Variants in OLFM3 observed in about 807,000 individuals in gnomAD.
The protein encoded by OLFM3 is olfactomedin 3.
In OLFM3, 20 loss-of-function variants were observed where a neutral mutation model predicts 48.6. The ratio of observed to expected loss-of-function variants is 0.41; its 90% CI spans 0.29 to 0.60. The LOEUF is 0.60. Among genes scored for constraint, OLFM3 ranks in the 20% least tolerant of loss-of-function variants. The pLI, the probability that OLFM3 is intolerant of heterozygous loss-of-function variation, is 0.28. For missense variants in OLFM3, 437 were observed against 544.3 expected, an observed-to-expected ratio of 0.80 and a Z score of 1.96; for synonymous variants, 222 against 198.1, an observed-to-expected ratio of 1.12 and a Z score of -1.01.
At chr1:101,810,390 T>G (rs1653991823) in intron 4 of OLFM3, among the ~76,000 whole-genome samples, 2 of 151,970 alleles carry the variant, frequency 1.3e-5, no homozygotes, top group African/African-American at 4.8e-5. Context: ...GCCCTAAAAT[T>G]AAACTGTTAA....
intron 1 of OLFM3, among the ~76,000 whole-genome samples, chr1:101,970,691 A>T (rs1660757811): frequency 6.6e-6 from 1 of 152,168 alleles, no homozygotes; most frequent in Non-Finnish European, 1.5e-5. Flanking sequence ...GAAAATCATA[A>T]TATAATTAGC....
intron 1 of OLFM3, among the ~76,000 whole-genome samples, chr1:101,909,262 A>G (rs1658664809): frequency 1.3e-5 from 2 of 148,528 alleles, no homozygotes; most frequent in Admixed American, 1.3e-4. Flanking sequence ...CCTCAGATAG[A>G]AAAAACAAAA....
chr1:101,864,825 T>C (rs1656795607), intron 1 of OLFM3, among the ~76,000 whole-genome samples: 2 of 152,152 alleles, frequency 1.3e-5, no homozygotes, highest in East Asian at 1.9e-4. Flanking sequence ...AGTGCCAATA[T>C]GTCTCACTGA....
chr1:101,937,413 C>T (rs983105795), intron 1 of OLFM3, among the ~76,000 whole-genome samples: 1 of 152,166 alleles, frequency 6.6e-6, no homozygotes, highest in Non-Finnish European at 1.5e-5. Context: ...GTGTCCCAAC[C>T]TAAATCTCGT....
At chr1:101,841,267 C>A (rs181338755) in intron 1 of OLFM3, among the ~76,000 whole-genome samples, 2 of 152,088 alleles carry the variant, frequency 1.3e-5, no homozygotes, top group African/African-American at 2.4e-5. Flanking sequence ...TTTTCTTGAA[C>A]GAACTATCCT....
chr1:101,863,197 G>A (rs1308208472), intron 1 of OLFM3, among the ~76,000 whole-genome samples: 2 of 152,096 alleles, frequency 1.3e-5, no homozygotes, highest in Non-Finnish European at 2.9e-5. Context: ...GGACTCAAGC[G>A]ATCCACCTGC....
At chr1:101,870,960 A>G (rs938366481) in intron 1 of OLFM3, among the ~76,000 whole-genome samples, 1 of 152,070 alleles carries the variant, frequency 6.6e-6, no homozygotes, top group South Asian at 2.1e-4. Flanking sequence ...AAAAGAAAAA[A>G]AAAGAAAAAA....
At position 101,806,193 on chromosome 1, in the gene OLFM3, A is replaced by G; in HGVS notation, c.593-11T>C. ...TCAGTTTGCCACATGCTGAAATTAG[A>G]GAAACACAAACGTGTTAGGTGAACG... On this transcript the variant is annotated splice_polypyrimidine_tract_variant and intron_variant, in intron 4 of 5. Coordinates refer to ENST00000370103, the MANE Select transcript of OLFM3 (RefSeq NM_058170.4). 5 of 1,605,290 alleles carry G rather than the reference A, an allele frequency of 3.1e-6. No individual in the cohort carries two copies. Among genetic ancestry groups the G allele is most frequent in the South Asian group, 2.2e-5 (2 of 90,882 alleles).
intron 1 of OLFM3, among the ~76,000 whole-genome samples, chr1:101,879,439 T>C (rs1283571926): frequency 6.6e-6 from 1 of 151,880 alleles, no homozygotes; most frequent in African/African-American, 2.4e-5. Flanking sequence ...AATTATTTGA[T>C]GCTGGGCTCT....
chr1:101,941,484 TCATGAATGTGACCTCATTCATGTC>T (rs1156882906), intron 1 of OLFM3, among the ~76,000 whole-genome samples: 2 of 152,046 alleles, frequency 1.3e-5, no homozygotes, highest in Non-Finnish European at 2.9e-5. Flanking sequence ...GAAAATAAGT[TCATGAATGTGACCTCATTCATGTC>T]CATGAATGAA....
At chr1:101,880,651 T>C (rs144929857) in intron 1 of OLFM3, among the ~76,000 whole-genome samples, 5,258 of 151,870 alleles carry the variant, frequency 0.035, 222 homozygotes, top group East Asian at 0.21. Context: ...AGGTAGTTGT[T>C]AATAATTTTG....
chr1:101,862,849 A>G (rs1040805605), intron 1 of OLFM3, among the ~76,000 whole-genome samples: 1 of 152,250 alleles, frequency 6.6e-6, no homozygotes, highest in African/African-American at 2.4e-5. Flanking sequence ...ATCAGAAGTA[A>G]AAGTTTAGAA....
At chr1:101,949,148 C>T (rs189501022) in intron 1 of OLFM3, among the ~76,000 whole-genome samples, 2 of 151,982 alleles carry the variant, frequency 1.3e-5, no homozygotes, top group African/African-American at 4.8e-5. Flanking sequence ...CAATAAATAT[C>T]CAGAACTTAT....
In OLFM3 at chr1:101,808,259, AG is replaced by A. The variant is rs143967580; in HGVS notation, c.593-2078del. On this transcript the variant is annotated intron_variant, in intron 4 of 5. Transcript: ENST00000370103. ...AATAATAGTAAAGGAGTAAAACATGAGGGGAAAAAAACAAAAGAAAAAAAGC... is the reference window on the plus strand; with the variant it reads ...AATAATAGTAAAGGAGTAAAACATGAGGGAAAAAAACAAAAGAAAAAAAGC... 8.6e-3 allele frequency among the ~76,000 whole-genome samples: 1,309 copies of A among 151,854 alleles called. 9 individuals are homozygous for A. The highest frequency in any genetic ancestry group is 0.017 in the Middle Eastern group (5 of 294).
intron 1 of OLFM3, among the ~76,000 whole-genome samples, chr1:101,891,031 C>T (rs1429774408): frequency 6.6e-6 from 1 of 151,924 alleles, no homozygotes; most frequent in African/African-American, 2.4e-5. Context: ...TTTAATGAAA[C>T]AGCCTCTTTT....
At chr1:101,941,139 T>C (rs577816404) in intron 1 of OLFM3, among the ~76,000 whole-genome samples, 106 of 152,104 alleles carry the variant, frequency 7.0e-4, no homozygotes, top group Non-Finnish European at 6.9e-4. Flanking sequence ...CACCAGCAGA[T>C]TGGAAGCACA....
intron 1 of OLFM3, among the ~76,000 whole-genome samples, chr1:101,907,244 C>T (rs1351593734): frequency 6.6e-6 from 1 of 152,172 alleles, no homozygotes. Context: ...GTTTTCATCT[C>T]TGTAGAGAAT....
intron 1 of OLFM3, among the ~76,000 whole-genome samples, chr1:101,975,371 G>A (rs751022647): frequency 1.1e-4 from 17 of 152,278 alleles, no homozygotes; most frequent in African/African-American, 2.9e-4. Context: ...CTATGGAAAC[G>A]TAACAACATC....
intron 1 of OLFM3, among the ~76,000 whole-genome samples, chr1:101,940,739 T>C (rs1182976945): frequency 6.6e-6 from 1 of 150,426 alleles, no homozygotes; most frequent in East Asian, 1.9e-4. Flanking sequence ...GCTTTGTATA[T>C]ATATGTATGT....
Sources: allele counts gnomAD v4.1 joint callset (sites outside exome capture counted in the v4.1 genomes callset), GRCh38; gene constraint gnomAD v4.1.1; transcripts MANE v1.5; gene names NCBI Gene and HGNC (gene_info 2026-07-23, HGNC 2026-07-21).